SERAC1: variants seen among roughly 807,000 people sequenced by gnomAD.
SERAC1 encodes the protein serine active site containing 1.
In SERAC1, 36 loss-of-function variants were observed where a neutral mutation model predicts 85.7. That is an observed-to-expected ratio of 0.42 (90% CI 0.32 to 0.55). The LOEUF is 0.55. SERAC1 is among the 20% of genes least tolerant of loss of function. SERAC1 has a pLI of 0.11. For synonymous variants in SERAC1, 242 were observed against 265.3 expected, an observed-to-expected ratio of 0.91 and a Z score of 0.85; for missense variants, 629 against 796.2, an observed-to-expected ratio of 0.79 and a Z score of 2.53.
chr6:158,153,441 A>G (rs1237875615), intron 3 of SERAC1, among the ~76,000 whole-genome samples: 3 of 152,208 alleles, frequency 2.0e-5, no homozygotes, highest in Non-Finnish European at 4.4e-5. Flanking sequence ...TACTGTGCAT[A>G]CAGTACGTGT....
rs149034301 is a variant in SERAC1, at chr6:158,114,813, A to C, written c.1660T>G (p.Leu554Val). 98 of 1,603,424 alleles carry C rather than the reference A, an allele frequency of 6.1e-5. 1 individual carries two copies. The African/African-American group carries it at 1.1e-3, about 18-fold the overall frequency. ...CCCTTGCTGAGTTCTTTGACTTCCA[A>C]CGAGGGGAAGAGAAGATAGCGAATA... is the stretch of plus-strand genomic sequence containing the variant. ...VNIRYLLFPSLEVKELSKDSP... is the reference protein window; with the variant it reads ...VNIRYLLFPSVEVKELSKDSP... The change falls in exon 15 of 17, where the codon TTG (leucine) becomes GTG (valine). Residue 554 changes from leucine (L) to valine (V), a missense_variant. Coordinates refer to ENST00000647468, the MANE Select transcript of SERAC1 (RefSeq NM_032861.4).
intron 1 of SERAC1, among the ~76,000 whole-genome samples, chr6:158,160,343 T>C (rs552990461): frequency 2.2e-4 from 34 of 152,304 alleles, no homozygotes; most frequent in Admixed American, 5.9e-4. Flanking sequence ...GACTCTCTAG[T>C]GCAAAACACC....
At chr6:158,126,326 C>A (rs1784538505) in intron 10 of SERAC1, among the ~76,000 whole-genome samples, 1 of 152,146 alleles carries the variant, frequency 6.6e-6, no homozygotes, top group African/African-American at 2.4e-5. Flanking sequence ...AAATGCCTCC[C>A]CAAAATAATG....
chr6:158,133,306 C>CA (rs1218050790), intron 8 of SERAC1, among the ~76,000 whole-genome samples: 279 of 49,042 alleles, frequency 5.7e-3, no homozygotes, highest in African/African-American at 0.015. Flanking sequence ...CTCAAACAGA[C>CA]AAAAAAAAAA....
intron 8 of SERAC1, among the ~76,000 whole-genome samples, chr6:158,132,880 G>C (rs1784710178): frequency 6.6e-6 from 1 of 152,052 alleles, no homozygotes; most frequent in Admixed American, 6.6e-5. Context: ...GATATGACAA[G>C]ACTAAATAAA....
chr6:158,112,503 AG>A (rs1057261030), intron 16 of SERAC1: 5 of 152,100 alleles, frequency 3.3e-5, no homozygotes, highest in African/African-American at 1.2e-4. Flanking sequence ...GAACTCTTCA[AG>A]TTCTTCAACT....
At chr6:158,125,376 G>T (rs1450664149) in intron 10 of SERAC1, among the ~76,000 whole-genome samples, 3 of 152,128 alleles carry the variant, frequency 2.0e-5, no homozygotes, top group African/African-American at 7.2e-5. Context: ...AGGCTAGCTT[G>T]CCCTTCAGTC....
In SERAC1 at chr6:158,164,562, A is replaced by G. The variant is rs80046688; in HGVS notation, c.-2+3578T>C. Among the ~76,000 whole-genome samples, 4 of 152,294 alleles carry G rather than the reference A, an allele frequency of 2.6e-5. No homozygotes were observed. In the East Asian group the frequency reaches 7.7e-4, roughly 29 times the overall value. On this transcript the variant is annotated intron_variant, in intron 1 of 16. Transcript: ENST00000647468. ...AGAGAACGGAGAAATTTTGAGACTA[A>G]GAAAGACACAGAAAATAAAAGGGAA...
chr6:158,111,099 C>T lies in SERAC1; in HGVS notation c.*267G>A, dbSNP rs1784132295. ...AGCAGCTTTGCTCCAGTCACCAAGC[C>T]CAACACTGCGAACCATAAAGCAGCA... is the stretch of plus-strand genomic sequence containing the variant. On this transcript the variant is annotated 3_prime_UTR_variant, in exon 17 of 17. Transcript: ENST00000647468. 4.1e-6 allele frequency: 1 copy of T among 242,854 alleles called. No homozygotes were observed. Among genetic ancestry groups the T allele is most frequent in the Non-Finnish European group, 7.9e-6 (1 of 125,818 alleles). The allele number at this position is 242,854 out of a possible 1,614,324, so 15.0% of individuals were successfully genotyped here.
At chr6:158,166,340 A>G (rs1168352804) in intron 1 of SERAC1, among the ~76,000 whole-genome samples, 4 of 152,298 alleles carry the variant, frequency 2.6e-5, no homozygotes, top group Admixed American at 1.3e-4. Context: ...TAGTGTCTCT[A>G]TTCTGTTCCA....
chr6:158,147,775 A>G (rs1429922609), intron 5 of SERAC1, among the ~76,000 whole-genome samples: 154 of 63,474 alleles, frequency 2.4e-3, no homozygotes, highest in African/African-American at 6.2e-3. Flanking sequence ...TCTCAAAAAA[A>G]AAAAAAAAAA....
rs767453633 is a variant in SERAC1, at chr6:158,117,808, T to C, written c.1322A>G (p.Lys441Arg). 9 of 1,613,638 alleles carry C rather than the reference T, an allele frequency of 5.6e-6. No individual in the cohort carries two copies. The highest frequency in any genetic ancestry group is 7.6e-6 in the Non-Finnish European group (9 of 1,179,702). ...TATAATTCGGAGAGCAGGACAGTCT[T>C]TTGCTAACCATGTCTAAGTAAAATA... ...TTCWPKTWLA[K>R]DCPALRIISV... is the part of the protein sequence containing the mutation. Residue 441 changes from lysine to arginine, a missense_variant, in exon 13 of 17, where the codon AAA becomes AGA. Coordinates refer to ENST00000647468, the MANE Select transcript of SERAC1 (RefSeq NM_032861.4). This position sits in a 1 kb window ranked among gnomAD's most constrained non-coding sequence, Gnocchi z 4.3.
At chr6:158,136,950 G>C (rs1297858415) in intron 8 of SERAC1, among the ~76,000 whole-genome samples, 1 of 152,188 alleles carries the variant, frequency 6.6e-6, no homozygotes, top group Non-Finnish European at 1.5e-5. Context: ...ACGAGGTCAA[G>C]AGATCGAGAC....
intron 10 of SERAC1, among the ~76,000 whole-genome samples, chr6:158,127,370 G>GT (rs1204263590): frequency 3.6e-5 from 2 of 54,972 alleles, no homozygotes; most frequent in African/African-American, 5.7e-5. Context: ...CGGGAGGGAG[G>GT]TGGGGGGGTC....
intron 15 of SERAC1, chr6:158,114,461 G>T (rs1261082194): frequency 1.1e-4 from 123 of 1,095,280 alleles, no homozygotes; most frequent in Non-Finnish European, 1.3e-4. Context: ...AACAGTTGAT[G>T]ATTCTCCACT....
At chr6:158,150,415 T>C (rs1785174560) in intron 4 of SERAC1, 38 bp downstream of exon 4, 1 of 1,494,740 alleles carries the variant, frequency 6.7e-7, no homozygotes, top group Non-Finnish European at 9.2e-7. Flanking sequence ...ATAACTAGCT[T>C]CCATTTTTCA....
intron 15 of SERAC1, 132 bp downstream of exon 15, chr6:158,114,657 C>A: frequency 1.4e-6 from 1 of 700,320 alleles, no homozygotes; most frequent in African/African-American, 3.8e-5. Context: ...CCAAAATTTC[C>A]ATGAATAGTC....
rs1045208195 is a variant in SERAC1, at chr6:158,111,018, C to G, written c.*348G>C. The G allele has an allele frequency of 6.0e-6, 1 of 167,226 alleles. No homozygotes were observed. Among genetic ancestry groups the G allele is most frequent in the Non-Finnish European group, 1.3e-5 (1 of 78,076 alleles). The allele number at this position is 167,226 out of a possible 1,614,324, so 10.4% of individuals were successfully genotyped here. On this transcript the variant is annotated 3_prime_UTR_variant, in exon 17 of 17. Coordinates refer to ENST00000647468, the MANE Select transcript of SERAC1 (RefSeq NM_032861.4). ...TAAGTTGAGTTACCTCAGAACCTGC[C>G]GTGCCCCTCCTGGATGCACCAGGAA...
chr6:158,138,651 C>A (rs1404833648), intron 8 of SERAC1, among the ~76,000 whole-genome samples: 4 of 151,984 alleles, frequency 2.6e-5, no homozygotes, highest in African/African-American at 9.7e-5. Flanking sequence ...CAGAGAAGTA[C>A]ACAAGACCCT....
Sources: allele counts gnomAD v4.1 joint callset (sites outside exome capture counted in the v4.1 genomes callset), GRCh38; gene constraint gnomAD v4.1.1; non-coding constraint Gnocchi (gnomAD v3.1); transcripts MANE v1.5; gene names NCBI Gene and HGNC (gene_info 2026-07-23, HGNC 2026-07-21).